RBFOX1: variants seen among roughly 807,000 people sequenced by gnomAD.
RBFOX1 encodes RNA binding protein fox-1 homolog 1.
In RBFOX1, 8 loss-of-function variants were observed where a neutral mutation model predicts 57.7. The observed-to-expected ratio is 0.14, with a 90% CI of 0.08 to 0.25. RBFOX1 has a LOEUF of 0.25. RBFOX1 is among the 10% of genes least tolerant of loss of function. The probability of loss-of-function intolerance (pLI) is 1.00; values close to 1 mark genes in which losing one functional copy is unlikely to be tolerated. For synonymous variants in RBFOX1, 326 were observed against 222.4 expected (o/e 1.47, Z -4.15); for missense variants, 611 against 548.5 (o/e 1.11, Z -1.14).
At chr16:5,716,860 C>G (rs1178194586) in intron 3 of RBFOX1, among the ~76,000 whole-genome samples, 2 of 152,222 alleles carry the variant, frequency 1.3e-5, no homozygotes, top group Admixed American at 1.3e-4. Context: ...GATGCAAACC[C>G]AGGACTCTGC....
At chr16:6,371,367 A>G (rs558271171) in intron 2 of RBFOX1, among the ~76,000 whole-genome samples, 8 of 152,228 alleles carry the variant, frequency 5.3e-5, no homozygotes, top group African/African-American at 1.9e-4. Context: ...TTTCCTATAT[A>G]TATACATTTA....
At chr16:7,547,494 T>G (rs1450252667) in intron 5 of RBFOX1, among the ~76,000 whole-genome samples, 1 of 152,190 alleles carries the variant, frequency 6.6e-6, no homozygotes, top group African/African-American at 2.4e-5. Context: ...ATTTAGTCCC[T>G]TCTGCAAGCT....
intron 1 of RBFOX1, among the ~76,000 whole-genome samples, chr16:6,146,706 T>G (rs529055129): frequency 2.0e-5 from 3 of 152,366 alleles, no homozygotes; most frequent in East Asian, 3.9e-4. Flanking sequence ...AAGCTGTTAT[T>G]TTTTTGAAAG....
chr16:6,449,609 G>C (rs902717083), intron 2 of RBFOX1, among the ~76,000 whole-genome samples: 1 of 152,242 alleles, frequency 6.6e-6, no homozygotes, highest in African/African-American at 2.4e-5. Context: ...CTGGGATGTG[G>C]AAGGAGTGGT....
At chr16:7,356,837 A>G (rs76213335) in intron 4 of RBFOX1, among the ~76,000 whole-genome samples, 1,742 of 152,288 alleles carry the variant, frequency 0.011, 37 homozygotes, top group African/African-American at 0.039. Flanking sequence ...TGGACTTACT[A>G]TTATGCGTAG....
At chr16:5,869,812 C>T (rs578074881) in intron 4 of RBFOX1, among the ~76,000 whole-genome samples, 18 of 152,206 alleles carry the variant, frequency 1.2e-4, no homozygotes, top group Admixed American at 5.9e-4. Flanking sequence ...AACAATTCCA[C>T]TTCTACTTGT....
At chr16:6,811,584 T>G (rs1379816672) in intron 3 of RBFOX1, among the ~76,000 whole-genome samples, 1 of 152,150 alleles carries the variant, frequency 6.6e-6, no homozygotes, top group Non-Finnish European at 1.5e-5. Flanking sequence ...GCAACCTGGG[T>G]GCTAGCATGG....
chr16:5,350,385 G>C (rs2065235981), intron 1 of RBFOX1, among the ~76,000 whole-genome samples: 1 of 152,206 alleles, frequency 6.6e-6, no homozygotes, highest in African/African-American at 2.4e-5. Flanking sequence ...CTGGTTGATA[G>C]ACGGGGGTGT....
At chr16:6,162,224 T>C (rs1281707880) in intron 1 of RBFOX1, among the ~76,000 whole-genome samples, 1 of 152,066 alleles carries the variant, frequency 6.6e-6, no homozygotes, top group Non-Finnish European at 1.5e-5. Flanking sequence ...TTCAAGCAAT[T>C]CACCTGTGTC....
chr16:6,539,511 C>T lies in RBFOX1; in HGVS notation c.-63-115092C>T, dbSNP rs554244462. ...ACAATATACTTCTTTAAAACACACA[C>T]GTACAGTCAGGTGCAGTGGCTCACA... On this transcript the variant is annotated intron_variant, in intron 2 of 15. Coordinates refer to ENST00000550418, the MANE Select transcript of RBFOX1 (RefSeq NM_018723.4). Among the ~76,000 whole-genome samples, 14 of 152,098 alleles carry T rather than the reference C, an allele frequency of 9.2e-5. No homozygotes were observed. In the East Asian group the frequency reaches 1.6e-3, roughly 17 times the overall value.
intron 4 of RBFOX1, among the ~76,000 whole-genome samples, chr16:7,365,360 A>G (rs1376514682): frequency 6.6e-6 from 1 of 152,162 alleles, no homozygotes; most frequent in Non-Finnish European, 1.5e-5. Context: ...ACCTTTTTTT[A>G]TAGTCTCAGT....
At chr16:6,392,691 C>A (rs1298199585) in intron 2 of RBFOX1, among the ~76,000 whole-genome samples, 1 of 152,162 alleles carries the variant, frequency 6.6e-6, no homozygotes, top group Non-Finnish European at 1.5e-5. Context: ...AGATGTTGTT[C>A]CATAAATATC....
intron 3 of RBFOX1, among the ~76,000 whole-genome samples, chr16:5,824,395 A>T (rs2055962883): frequency 6.6e-6 from 1 of 152,196 alleles, no homozygotes; most frequent in Non-Finnish European, 1.5e-5. Flanking sequence ...AACAAGTGCC[A>T]GACAGTGTCC....
At chr16:5,812,080 T>C (rs1161593019) in intron 3 of RBFOX1, among the ~76,000 whole-genome samples, 3 of 152,198 alleles carry the variant, frequency 2.0e-5, no homozygotes, top group Non-Finnish European at 2.9e-5. Context: ...CTTACTGTAA[T>C]GGTTTTCAGG....
intron 3 of RBFOX1, among the ~76,000 whole-genome samples, chr16:5,818,335 C>T (rs1014445883): frequency 1.3e-5 from 2 of 152,152 alleles, no homozygotes; most frequent in African/African-American, 4.8e-5. Context: ...TCATGCCTTG[C>T]AAGGGCTTGT....
chr16:7,280,377 G>A (rs2095517582), intron 4 of RBFOX1, among the ~76,000 whole-genome samples: 1 of 152,162 alleles, frequency 6.6e-6, no homozygotes, highest in Non-Finnish European at 1.5e-5. Context: ...CCAACCTGTT[G>A]GTTAAGAAAG....
rs374146871 is a variant in RBFOX1, at chr16:7,236,766, A to G, written c.27+184668A>G. Among the ~76,000 whole-genome samples, 16 of 152,274 alleles carry G rather than the reference A, an allele frequency of 1.1e-4. No homozygotes were observed. In the East Asian group the frequency reaches 2.7e-3, roughly 26 times the overall value. On this transcript the variant is annotated intron_variant, in intron 4 of 15. Transcript: ENST00000550418. Reference sequence around the variant, plus strand: ...TGGCCTGAATTATTCAGCAGTCATTAAAAATGCAGTCAGTGATAAGGCAGA... The same window carrying G: ...TGGCCTGAATTATTCAGCAGTCATTGAAAATGCAGTCAGTGATAAGGCAGA...
intron 2 of RBFOX1, among the ~76,000 whole-genome samples, chr16:6,651,544 T>A (rs960210085): frequency 6.6e-6 from 1 of 152,180 alleles, no homozygotes; most frequent in Admixed American, 6.5e-5. Flanking sequence ...TCATTATGCC[T>A]GAGTGAAACC....
intron 3 of RBFOX1, among the ~76,000 whole-genome samples, chr16:6,776,833 G>C (rs74007030): frequency 0.039 from 5,958 of 152,054 alleles, 282 homozygotes; most frequent in East Asian, 0.24. Context: ...ATGCTTTGCT[G>C]TTTTATTTTT....
Sources: allele counts gnomAD v4.1 joint callset (sites outside exome capture counted in the v4.1 genomes callset), GRCh38; gene constraint gnomAD v4.1.1; transcripts MANE v1.5; gene names NCBI Gene and HGNC (gene_info 2026-07-23, HGNC 2026-07-21).